The following STX7 variants were observed in gnomAD, a reference collection of about 807,000 sequenced individuals.
STX7 encodes syntaxin-7.
In STX7, 34 loss-of-function variants were observed where a neutral mutation model predicts 39.6. The ratio of observed to expected loss-of-function variants is 0.86; its 90% CI spans 0.65 to 1.14. The LOEUF is 1.14. Ranked by LOEUF, STX7 falls within the 50% of genes most tolerant of loss-of-function variation. The pLI is 0.00. For missense variants in STX7, 284 were observed against 310.4 expected, an observed-to-expected ratio of 0.92 and a Z score of 0.64; for synonymous variants, 119 against 99.1, an observed-to-expected ratio of 1.20 and a Z score of -1.19.
Position 132,458,444 on chromosome 6 carries a change from C to T in STX7, c.*2314G>A, listed in dbSNP as rs1009618880. The stretch of plus-strand genomic sequence containing the variant: ...AGCCAAATACCTAATGCCACATTGT[C>T]GTTCAATTTACCTGGCTGGTTAATA... On this transcript the variant is annotated 3_prime_UTR_variant, in exon 10 of 10. Transcript: ENST00000367941. 2.0e-5 allele frequency: 3 copies of T among 152,282 alleles called. No homozygotes were observed. Among genetic ancestry groups the T allele is most frequent in the East Asian group, 1.9e-4 (1 of 5,182 alleles). 9.4% of individuals were successfully genotyped at this position (152,282 alleles called of 1,614,324 possible). A position where few individuals can be genotyped will look rare whatever the true frequency, so the allele number is the denominator to read the frequency against.
intron 8 of STX7, among the ~76,000 whole-genome samples, chr6:132,466,603 T>A (rs531418175): frequency 2.8e-4 from 43 of 152,312 alleles, no homozygotes; most frequent in African/African-American, 1.0e-3. Flanking sequence ...TACCCAGACT[T>A]AATCCCTGGA....
intron 1 of STX7, among the ~76,000 whole-genome samples, chr6:132,508,812 A>G (rs1775770886): frequency 6.6e-6 from 1 of 152,196 alleles, no homozygotes. Context: ...GTATCTAGCC[A>G]GGAATCATGT....
intron 2 of STX7, among the ~76,000 whole-genome samples, chr6:132,489,304 G>C (rs947713887): frequency 6.6e-6 from 1 of 150,916 alleles, no homozygotes; most frequent in African/African-American, 2.4e-5. Flanking sequence ...TTACTAATAA[G>C]TCTTGTACAA....
intron 6 of STX7, 56 bp from the exon 7 acceptor site, chr6:132,470,103 G>T: frequency 7.8e-7 from 1 of 1,281,886 alleles, no homozygotes; most frequent in South Asian, 1.5e-5. Flanking sequence ...AAAACAATGG[G>T]ACTCATTTCC....
chr6:132,494,210 AAAGT>A (rs746131005), intron 2 of STX7, among the ~76,000 whole-genome samples: 1 of 151,960 alleles, frequency 6.6e-6, no homozygotes, highest in African/African-American at 2.4e-5. Flanking sequence ...ACCACATAAA[AAAGT>A]AAGCAACCAA....
At chr6:132,507,241 T>C in intron 1 of STX7, among the ~76,000 whole-genome samples, 1 of 152,234 alleles carries the variant, frequency 6.6e-6, no homozygotes, top group East Asian at 1.9e-4. Flanking sequence ...CTTCACGCTA[T>C]GCAATATAAC....
At position 132,470,585 on chromosome 6, in the gene STX7, T is replaced by C. The variant is rs376259934; in HGVS notation, c.429A>G (p.Val143=). 11 of 1,606,822 alleles carry C rather than the reference T, an allele frequency of 6.8e-6. No homozygotes were observed. Among genetic ancestry groups the C allele is most frequent in the African/African-American group, 2.7e-5 (2 of 74,768 alleles). The change falls in exon 6 of 10, where the codon GTA becomes GTG. Residue 143 remains valine (V), a synonymous_variant. Coordinates refer to ENST00000367941, the MANE Select transcript of STX7 (RefSeq NM_003569.3). ...PEDSSKERNL[V]SWESQTQPQV... is the part of the protein sequence containing the mutation. ...TTTGTATTTCTTACCTTTCCCAGGA[T>C]ACAAGATTCCTTTCTTTTGAGCTGT... is the stretch of plus-strand genomic sequence containing the variant.
chr6:132,498,458 A>G (rs1056146158), intron 2 of STX7, among the ~76,000 whole-genome samples: 3 of 39,896 alleles, frequency 7.5e-5, no homozygotes, highest in Non-Finnish European at 5.3e-5. Flanking sequence ...TTAATATTTT[A>G]TAAGTGTTTA....
intron 2 of STX7, among the ~76,000 whole-genome samples, chr6:132,485,464 G>A (rs1328051148): frequency 6.6e-6 from 1 of 152,104 alleles, no homozygotes; most frequent in Non-Finnish European, 1.5e-5. Flanking sequence ...TACAAATAAA[G>A]CTCCTATAAG....
rs1224947504 is a variant in STX7, at chr6:132,460,856, G to A, written c.694-6C>T. 1 of 1,610,938 alleles carries A rather than the reference G, an allele frequency of 6.2e-7. No individual in the cohort carries two copies. Among genetic ancestry groups the A allele is most frequent in the African/African-American group, 1.3e-5 (1 of 74,748 alleles). The stretch of plus-strand genomic sequence containing the variant: ...AGGGTTTTTCTGGATTTGCGCTGCA[G>A]ACGCAAAAAACAAAACAAAACAAAA... On this transcript the variant is annotated splice_region_variant and splice_polypyrimidine_tract_variant and intron_variant, in intron 9 of 9. Coordinates refer to ENST00000367941, the MANE Select transcript of STX7 (RefSeq NM_003569.3).
chr6:132,453,529 T>TACAC lies in STX7; in HGVS notation c.*7225_*7228dup, dbSNP rs915635410. 7 of 146,496 alleles carry TACAC rather than the reference T, an allele frequency of 4.8e-5. No individual in the cohort carries two copies. The highest frequency in any genetic ancestry group is 1.1e-4 in the Non-Finnish European group (7 of 66,130). 9.1% of individuals were successfully genotyped at this position (146,496 alleles called of 1,614,324 possible). A position where few individuals can be genotyped will look rare whatever the true frequency, so the allele number is the denominator to read the frequency against. ...CAAAGGACTAGTATCTAGAAAAAAA[T>TACAC]ACACACACACACACACAGAGGCACA... On this transcript the variant is annotated 3_prime_UTR_variant, in exon 10 of 10. Transcript: ENST00000367941.
Position 132,460,764 on chromosome 6 carries a change from G to A in STX7, c.780C>T (p.Asn260=). Residue 260 remains asparagine, a synonymous_variant, in exon 10 of 10, where the codon AAC becomes AAT. Transcript: ENST00000367941. ...AGTGTGCTCCTTTATAACTTCAGTG[G>A]TTCAATCCCCATATGATGAGACTGA... ...AIISLIIWGL[N]H The A allele has an allele frequency of 6.2e-7, 1 of 1,610,238 alleles. No individual in the cohort carries two copies. The highest frequency in any genetic ancestry group is 8.5e-7 in the Non-Finnish European group (1 of 1,177,066).
At chr6:132,508,683 G>T (rs574960987) in intron 1 of STX7, among the ~76,000 whole-genome samples, 31 of 151,914 alleles carry the variant, frequency 2.0e-4, no homozygotes, top group Non-Finnish European at 4.1e-4. Context: ...CTAATTTTTT[G>T]ATTTTTTTAT....
intron 3 of STX7, among the ~76,000 whole-genome samples, chr6:132,473,324 C>A (rs1435782718): frequency 6.6e-6 from 1 of 152,012 alleles, no homozygotes; most frequent in African/African-American, 2.4e-5. Flanking sequence ...GGTTCCAGGA[C>A]CCCTGTGGAT....
At chr6:132,466,430 A>G (rs999490511) in intron 8 of STX7, among the ~76,000 whole-genome samples, 7 of 152,228 alleles carry the variant, frequency 4.6e-5, no homozygotes, top group African/African-American at 1.7e-4. Flanking sequence ...CAGAAAATGA[A>G]TAAGCTTTGT....
At chr6:132,464,898 G>A (rs1774522817) in intron 8 of STX7, among the ~76,000 whole-genome samples, 1 of 152,090 alleles carries the variant, frequency 6.6e-6, no homozygotes, top group Non-Finnish European at 1.5e-5. Flanking sequence ...GGTGGAACGG[G>A]TGTCATTTTG....
rs147517485 is a variant in STX7 at position 132,478,913 on chromosome 6, C to T, written c.86-3251G>A. Among the ~76,000 whole-genome samples, 607 of 152,290 alleles carry T rather than the reference C, an allele frequency of 4.0e-3. 4 individuals are homozygous for T. The highest frequency in any genetic ancestry group is 0.014 in the African/African-American group (571 of 41,554). On this transcript the variant is annotated intron_variant, in intron 2 of 9. Coordinates refer to ENST00000367941, the MANE Select transcript of STX7 (RefSeq NM_003569.3). The stretch of plus-strand genomic sequence containing the variant: ...ACTGTCTATCTTTGTACTACAATTT[C>T]GTTGTCAAGGATACGGATCATCTCC...
In STX7 at chr6:132,447,601, G is replaced by T. The variant is rs971774166; in HGVS notation, c.*13157C>A. 3 of 151,338 alleles carry T rather than the reference G, an allele frequency of 2.0e-5. No individual in the cohort carries two copies. Among genetic ancestry groups the T allele is most frequent in the Non-Finnish European group, 4.4e-5 (3 of 67,816 alleles). The allele number at this position is 151,338 out of a possible 1,614,324, so 9.4% of individuals were successfully genotyped here. ...TCTACATTTTTACTTTAATAACTTTGTTTAGAACTGTTATACCTACTTCAG... is the reference window on the plus strand; with the variant it reads ...TCTACATTTTTACTTTAATAACTTTTTTTAGAACTGTTATACCTACTTCAG... On this transcript the variant is annotated 3_prime_UTR_variant, in exon 10 of 10. Coordinates refer to ENST00000367941, the MANE Select transcript of STX7 (RefSeq NM_003569.3).
chr6:132,489,815 C>A (rs990146375), intron 2 of STX7, among the ~76,000 whole-genome samples: 2 of 152,040 alleles, frequency 1.3e-5, no homozygotes, highest in East Asian at 3.9e-4. Context: ...GGTTCTCTTC[C>A]CGGATACTTT....
Sources: allele counts gnomAD v4.1 joint callset (sites outside exome capture counted in the v4.1 genomes callset), GRCh38; gene constraint gnomAD v4.1.1; transcripts MANE v1.5; gene names NCBI Gene and HGNC (gene_info 2026-07-23, HGNC 2026-07-21).